PTPRD: variants seen among roughly 807,000 people sequenced by gnomAD.
PTPRD encodes the protein receptor-type tyrosine-protein phosphatase delta.
Under a neutral mutation model 214.5 loss-of-function variants are expected in PTPRD, and 34 were observed. The ratio of observed to expected loss-of-function variants is 0.16; its 90% CI spans 0.12 to 0.21. The LOEUF is 0.21. Among genes scored for constraint, PTPRD ranks in the 10% least tolerant of loss-of-function variants. PTPRD has a pLI of 1.00. For missense variants in PTPRD, 2,545 were observed against 2,398.7 expected (o/e 1.06, Z -1.27); for synonymous variants, 1,128 against 845.7 (o/e 1.33, Z -5.79).
chr9:9,729,983 T>C (rs929925995), intron 7 of PTPRD, among the ~76,000 whole-genome samples: 6 of 152,154 alleles, frequency 3.9e-5, no homozygotes, highest in Admixed American at 3.9e-4. Context: ...GTATATATGT[T>C]TGGTTTGTTC....
chr9:8,709,357 T>C (rs1323994962), intron 12 of PTPRD, among the ~76,000 whole-genome samples: 2 of 150,742 alleles, frequency 1.3e-5, no homozygotes, highest in Non-Finnish European at 3.0e-5. Context: ...TACTAAAAAA[T>C]ACAAAAAATT....
chr9:9,974,573 T>G lies in PTPRD; in HGVS notation c.-471-35963A>C, dbSNP rs531432957. Among the ~76,000 whole-genome samples, 6 of 152,348 alleles carry G rather than the reference T, an allele frequency of 3.9e-5. No individual in the cohort carries two copies. The East Asian group carries it at 1.2e-3, about 29-fold the overall frequency. ...TAAACCTCCACTTAATCTTTGAATC[T>G]AGACCTAATTACCCCACTAATTTCC... is the stretch of plus-strand genomic sequence containing the variant. On this transcript the variant is annotated intron_variant, in intron 4 of 45. Coordinates refer to ENST00000381196, the MANE Select transcript of PTPRD (RefSeq NM_002839.4).
intron 10 of PTPRD, among the ~76,000 whole-genome samples, chr9:9,046,711 T>A (rs144216554): frequency 3.5e-4 from 54 of 152,238 alleles, no homozygotes; most frequent in Middle Eastern, 3.4e-3. Flanking sequence ...ATGCAGGCAA[T>A]TTTGTTATTG....
intron 3 of PTPRD, among the ~76,000 whole-genome samples, chr9:10,242,712 G>A (rs1186211219): frequency 6.6e-6 from 1 of 151,058 alleles, no homozygotes; most frequent in African/African-American, 2.4e-5. Context: ...CTCCGTCTAG[G>A]GCTTAGATTA....
chr9:10,362,135 T>A (rs1225770055), intron 2 of PTPRD, among the ~76,000 whole-genome samples: 1 of 152,034 alleles, frequency 6.6e-6, no homozygotes, highest in East Asian at 1.9e-4. Flanking sequence ...ATAAGAAAAT[T>A]TGTACATAAG....
intron 14 of PTPRD, 37 bp downstream of exon 14, chr9:8,633,279 AC>A (rs1361002289): frequency 7.5e-6 from 12 of 1,597,928 alleles, no homozygotes; most frequent in Non-Finnish European, 1.0e-5. Flanking sequence ...CAGAATTGTA[AC>A]AATGACACAA....
chr9:9,221,525 C>T (rs931070409), intron 9 of PTPRD, among the ~76,000 whole-genome samples: 1 of 152,020 alleles, frequency 6.6e-6, no homozygotes, highest in Non-Finnish European at 1.5e-5. Context: ...CTGATTAGAT[C>T]TCTGGAGAGG....
rs945621975 is a variant in PTPRD at position 9,256,805 on chromosome 9, C to T, written c.-202-73442G>A. Among the ~76,000 whole-genome samples the T allele has an allele frequency of 1.9e-4, 29 of 152,066 alleles. No homozygotes were observed. In the Middle Eastern group the frequency reaches 0.01, roughly 54 times the overall value. On this transcript the variant is annotated intron_variant, in intron 9 of 45. Transcript: ENST00000381196. ...TCTTCTTGTCCTGCCTCTCTGTCTA[C>T]CTGAGACCCCAGCTGCCTCTCTGCT...
intron 12 of PTPRD, among the ~76,000 whole-genome samples, chr9:8,704,648 G>A (rs1037052550): frequency 2.6e-5 from 4 of 151,988 alleles, no homozygotes; most frequent in African/African-American, 7.3e-5. Flanking sequence ...TAAAATACCC[G>A]AGGAGCCTAT....
intron 9 of PTPRD, among the ~76,000 whole-genome samples, chr9:9,334,249 C>A (rs2043517432): frequency 6.6e-6 from 1 of 151,724 alleles, no homozygotes; most frequent in African/African-American, 2.4e-5. Flanking sequence ...CTTCAGGAAC[C>A]TACAATTAAG....
At chr9:10,416,194 A>AG (rs1324426404) in intron 2 of PTPRD, among the ~76,000 whole-genome samples, 1 of 151,656 alleles carries the variant, frequency 6.6e-6, no homozygotes, top group Non-Finnish European at 1.5e-5. Flanking sequence ...CTAAAAAAAA[A>AG]AAAATTAGAA....
intron 11 of PTPRD, among the ~76,000 whole-genome samples, chr9:8,933,522 A>G (rs2098969005): frequency 6.6e-6 from 1 of 152,006 alleles, no homozygotes; most frequent in Admixed American, 6.6e-5. Context: ...GTCCACAGAC[A>G]AAGAATGACT....
At chr9:10,500,029 G>A (rs1292254311) in intron 2 of PTPRD, among the ~76,000 whole-genome samples, 1 of 149,570 alleles carries the variant, frequency 6.7e-6, no homozygotes, top group Non-Finnish European at 1.5e-5. Context: ...ATCTTTATAA[G>A]ACCATGACCT....
At chr9:9,089,427 C>A (rs201841518) in intron 10 of PTPRD, among the ~76,000 whole-genome samples, 176 of 152,254 alleles carry the variant, frequency 1.2e-3, no homozygotes, top group African/African-American at 4.2e-3. Context: ...TCCCCAGATT[C>A]AGTACGAATA....
At chr9:8,837,558 A>C (rs150802487) in intron 11 of PTPRD, among the ~76,000 whole-genome samples, 177 of 152,298 alleles carry the variant, frequency 1.2e-3, no homozygotes, top group African/African-American at 3.5e-3. Context: ...ACTGGAGTAC[A>C]GTAGCACAAT....
At chr9:10,347,767 T>C (rs956008503) in intron 2 of PTPRD, among the ~76,000 whole-genome samples, 1 of 151,872 alleles carries the variant, frequency 6.6e-6, no homozygotes, top group African/African-American at 2.4e-5. Flanking sequence ...TATTTTGAAA[T>C]GTACAATAGG....
intron 11 of PTPRD, among the ~76,000 whole-genome samples, chr9:8,793,244 C>G (rs1260328665): frequency 6.6e-6 from 1 of 151,846 alleles, no homozygotes; most frequent in East Asian, 1.9e-4. Flanking sequence ...GGCTCTTACT[C>G]TCTCTTCCTT....
rs188550149 is a variant in PTPRD at position 9,501,590 on chromosome 9, C to T, written c.-237+73142G>A. Among the ~76,000 whole-genome samples the T allele has an allele frequency of 5.9e-5, 9 of 151,716 alleles. No individual in the cohort carries two copies. In the East Asian group the frequency reaches 1.7e-3, roughly 29 times the overall value. On this transcript the variant is annotated intron_variant, in intron 8 of 45. Coordinates refer to ENST00000381196, the MANE Select transcript of PTPRD (RefSeq NM_002839.4). ...TCTAGTTAATGTATATCAACTATGC[C>T]CAAAGACTGGAGAATAGATTTTCTT...
intron 39 of PTPRD, among the ~76,000 whole-genome samples, chr9:8,363,774 C>T (rs2079096466): frequency 6.6e-6 from 1 of 152,212 alleles, no homozygotes; most frequent in Non-Finnish European, 1.5e-5. Flanking sequence ...ACAGACAGCC[C>T]CCACCCCCAG....
Sources: gnomAD v4.1 joint callset for allele counts (sites outside exome capture counted in the v4.1 genomes callset) on GRCh38, gnomAD v4.1.1 for gene constraint, MANE v1.5 for transcripts, NCBI Gene and HGNC (gene_info 2026-07-23, HGNC 2026-07-21) for gene names.